Variants in SLC35D4 observed in about 807,000 individuals in gnomAD.
The protein encoded by SLC35D4 is UDP-N-acetylglucosamine transporter SLC35D4.
chr18:23,395,637 T>C, the SLC35D4 span, among the ~76,000 whole-genome samples: 1 of 152,234 alleles, frequency 6.6e-6, no homozygotes, highest in African/African-American at 2.4e-5. Context: ...CCAAGCTCAG[T>C]AATGTATGAA....
the SLC35D4 span, among the ~76,000 whole-genome samples, chr18:23,394,699 C>T: frequency 1.4e-4 from 21 of 152,126 alleles, no homozygotes; most frequent in African/African-American, 5.1e-4. Flanking sequence ...TGGCCGTGCG[C>T]AGTGGCTCAT....
At chr18:23,435,462 T>A in the SLC35D4 span, among the ~76,000 whole-genome samples, 13 of 152,088 alleles carry the variant, frequency 8.5e-5, no homozygotes, top group Admixed American at 8.5e-4. Context: ...TTTCACAAAT[T>A]CACAAATTTC....
At chr18:23,304,996 C>T in the SLC35D4 span, among the ~76,000 whole-genome samples, 1 of 152,198 alleles carries the variant, frequency 6.6e-6, no homozygotes, top group Non-Finnish European at 1.5e-5. Context: ...ATTTGCCCTT[C>T]CTTTGATAAC....
At chr18:23,269,436 C>A in the SLC35D4 span, among the ~76,000 whole-genome samples, 1 of 152,226 alleles carries the variant, frequency 6.6e-6, no homozygotes, top group Non-Finnish European at 1.5e-5. Flanking sequence ...GTCAATTAAA[C>A]CTGTTTCCTT....
At chr18:23,369,710 G>A in the SLC35D4 span, among the ~76,000 whole-genome samples, 1 of 152,194 alleles carries the variant, frequency 6.6e-6, no homozygotes, top group African/African-American at 2.4e-5. Flanking sequence ...TGTTCCAGGT[G>A]TTGGTGGACA....
chr18:23,385,792 G>C, the SLC35D4 span, among the ~76,000 whole-genome samples: 1 of 152,200 alleles, frequency 6.6e-6, no homozygotes, highest in East Asian at 1.9e-4. Flanking sequence ...TGGAAGACAG[G>C]AGGCAGAGAG....
the SLC35D4 span, among the ~76,000 whole-genome samples, chr18:23,353,317 A>T: frequency 1.1e-4 from 17 of 152,160 alleles, no homozygotes; most frequent in African/African-American, 4.1e-4. Flanking sequence ...CTTCCATCTG[A>T]CCTTATACAG....
At chr18:23,315,015 G>A in the SLC35D4 span, among the ~76,000 whole-genome samples, 3 of 152,306 alleles carry the variant, frequency 2.0e-5, no homozygotes, top group South Asian at 2.1e-4. Context: ...GGGGAAAATG[G>A]TGGTGGTGGT....
the SLC35D4 span, among the ~76,000 whole-genome samples, chr18:23,335,695 GT>G: frequency 6.6e-6 from 1 of 152,086 alleles, no homozygotes; most frequent in Non-Finnish European, 1.5e-5. Flanking sequence ...AATAAAATCA[GT>G]TTTTGAGTGA....
At chr18:23,313,867 C>T in the SLC35D4 span, among the ~76,000 whole-genome samples, 1 of 152,204 alleles carries the variant, frequency 6.6e-6, no homozygotes, top group African/African-American at 2.4e-5. Context: ...ACCAGTCTCC[C>T]TCTTTGTGCT....
chr18:23,432,086 T>C, the SLC35D4 span, among the ~76,000 whole-genome samples: 1 of 152,224 alleles, frequency 6.6e-6, no homozygotes, highest in African/African-American at 2.4e-5. Context: ...TAATTCAATA[T>C]GCTCTTCCCT....
the SLC35D4 span, chr18:23,257,204 T>A: frequency 6.2e-7 from 1 of 1,606,818 alleles, no homozygotes; most frequent in Non-Finnish European, 8.5e-7. Context: ...ATGAACATGC[T>A]TTTGATTTTC....
the SLC35D4 span, among the ~76,000 whole-genome samples, chr18:23,286,192 G>A: frequency 1.3e-5 from 2 of 152,174 alleles, no homozygotes; most frequent in African/African-American, 4.8e-5. Context: ...TTTCTGAGTT[G>A]CAATTCCTTG....
At chr18:23,405,977 G>A in the SLC35D4 span, among the ~76,000 whole-genome samples, 1 of 152,254 alleles carries the variant, frequency 6.6e-6, no homozygotes, top group African/African-American at 2.4e-5. Context: ...CAAGTGTAGT[G>A]CTTCTTTGTG....
chr18:23,242,533 G>A, the SLC35D4 span, among the ~76,000 whole-genome samples: 1 of 152,262 alleles, frequency 6.6e-6, no homozygotes, highest in African/African-American at 2.4e-5. Flanking sequence ...GTCGGTAGTG[G>A]GTTTTTGTGT....
At chr18:23,246,599 G>A in the SLC35D4 span, among the ~76,000 whole-genome samples, 12 of 151,872 alleles carry the variant, frequency 7.9e-5, no homozygotes, top group East Asian at 9.8e-4. Flanking sequence ...CACCGTGTTA[G>A]CCAGGATGGT....
the SLC35D4 span, among the ~76,000 whole-genome samples, chr18:23,276,131 A>T: frequency 6.6e-6 from 1 of 151,812 alleles, no homozygotes; most frequent in African/African-American, 2.4e-5. Flanking sequence ...TCTGTCGCCC[A>T]GCCTGGAGTG....
chr18:23,273,365 G>C, the SLC35D4 span, among the ~76,000 whole-genome samples: 6 of 152,184 alleles, frequency 3.9e-5, no homozygotes, highest in Non-Finnish European at 7.3e-5. Context: ...ACACTGGGAC[G>C]GTGAATGAGC....
At chr18:23,370,387 C>G in the SLC35D4 span, 2 of 833,104 alleles carry the variant, frequency 2.4e-6, no homozygotes, top group Non-Finnish European at 1.9e-6. Context: ...GTCCTTTTCC[C>G]TACGAGTGTC....
Sources: gnomAD v4.1 joint callset for allele counts (sites outside exome capture counted in the v4.1 genomes callset) on GRCh38, gnomAD v4.1.1 for gene constraint, MANE v1.5 for transcripts, NCBI Gene and HGNC (gene_info 2026-07-23, HGNC 2026-07-21) for gene names.